The following GPM6A variants were observed in gnomAD, a reference collection of about 807,000 sequenced individuals.
GPM6A encodes neuronal membrane glycoprotein M6-a.
Under a neutral mutation model 32.1 loss-of-function variants are expected in GPM6A, and 7 were observed. That is an observed-to-expected ratio of 0.22 (90% CI 0.12 to 0.41). GPM6A has a LOEUF of 0.41. GPM6A is among the 10% of genes least tolerant of loss of function. The pLI, the probability that GPM6A is intolerant of heterozygous loss-of-function variation, is 1.00. For missense variants in GPM6A, 235 were observed against 347.2 expected, an observed-to-expected ratio of 0.68 and a Z score of 2.57; for synonymous variants, 130 against 123.4, an observed-to-expected ratio of 1.05 and a Z score of -0.35.
At chr4:175,703,862 A>T (rs1475624808) in intron 1 of GPM6A, among the ~76,000 whole-genome samples, 2 of 152,130 alleles carry the variant, frequency 1.3e-5, no homozygotes, top group African/African-American at 4.8e-5. Flanking sequence ...CACCCCTCAG[A>T]TACACACACA....
intron 6 of GPM6A, 56 bp from the exon 7 acceptor site, chr4:175,635,113 C>A: frequency 7.5e-7 from 1 of 1,324,798 alleles, no homozygotes; most frequent in Non-Finnish European, 1.1e-6. Context: ...CTTCATTACA[C>A]CTTGCTATCT....
chr4:175,976,483 AC>A (rs1740667391), intron 1 of GPM6A, among the ~76,000 whole-genome samples: 1 of 151,892 alleles, frequency 6.6e-6, no homozygotes, highest in Non-Finnish European at 1.5e-5. Context: ...TGTCTTTCAA[AC>A]CCCTTTTTTA....
At chr4:175,872,830 A>G (rs1351031556) in intron 1 of GPM6A, 1 of 152,200 alleles carries the variant, frequency 6.6e-6, no homozygotes, top group Admixed American at 6.5e-5. Flanking sequence ...TCTAAAATTT[A>G]CACTTCTGTG....
At chr4:175,739,635 C>A (rs1297354374) in intron 1 of GPM6A, among the ~76,000 whole-genome samples, 1 of 152,096 alleles carries the variant, frequency 6.6e-6, no homozygotes, top group Admixed American at 6.6e-5. Context: ...TAATTCCATT[C>A]ATGAGTCACA....
At chr4:175,889,158 C>A (rs1214139321) in intron 1 of GPM6A, among the ~76,000 whole-genome samples, 3 of 152,024 alleles carry the variant, frequency 2.0e-5, no homozygotes, top group African/African-American at 7.2e-5. Flanking sequence ...AACTAAAGAT[C>A]TGATGTGAAA....
At chr4:175,815,041 C>T (rs1335988588), upstream of GPM6A, among the ~76,000 whole-genome samples, 3 of 151,758 alleles carry the variant, frequency 2.0e-5, no homozygotes, top group Admixed American at 6.6e-5. Flanking sequence ...GATGGAGTCT[C>T]GTTCTTTTGC....
At chr4:175,846,754 A>G (rs1277429937) in intron 1 of GPM6A, among the ~76,000 whole-genome samples, 1 of 152,148 alleles carries the variant, frequency 6.6e-6, no homozygotes, top group Non-Finnish European at 1.5e-5. Flanking sequence ...TTTACTCAAA[A>G]TATCAAGAAA....
At chr4:175,728,939 C>A (rs182183362) in intron 1 of GPM6A, among the ~76,000 whole-genome samples, 2 of 152,142 alleles carry the variant, frequency 1.3e-5, no homozygotes, top group Non-Finnish European at 2.9e-5. Flanking sequence ...GAGCTTCTCT[C>A]TTGGGGTGAC....
chr4:175,725,224 A>G (rs182381245), intron 1 of GPM6A, among the ~76,000 whole-genome samples: 38 of 152,192 alleles, frequency 2.5e-4, no homozygotes, highest in African/African-American at 9.2e-4. Flanking sequence ...CTAAACAAAT[A>G]TAAGCTCTTA....
At chr4:175,816,467 T>C (rs1320506558), upstream of GPM6A, among the ~76,000 whole-genome samples, 1 of 152,246 alleles carries the variant, frequency 6.6e-6, no homozygotes, top group Admixed American at 6.5e-5. Context: ...CTCTATTATG[T>C]AATGCAGTCA....
At chr4:175,898,156 C>G (rs1737851643) in intron 1 of GPM6A, among the ~76,000 whole-genome samples, 1 of 152,158 alleles carries the variant, frequency 6.6e-6, no homozygotes, top group South Asian at 2.1e-4. Context: ...CTGATTTCTC[C>G]ATACCAATCC....
In GPM6A at chr4:175,752,081, C is replaced by A. The variant is rs577564966; in HGVS notation, c.38-50314G>T. Among the ~76,000 whole-genome samples, 10 of 152,144 alleles carry A rather than the reference C, an allele frequency of 6.6e-5. No homozygotes were observed. The South Asian group carries it at 2.1e-3, about 32-fold the overall frequency. On this transcript the variant is annotated intron_variant, in intron 1 of 6. Coordinates refer to ENST00000393658, the MANE Select transcript of GPM6A (RefSeq NM_201591.3). ...ACCTAATTGCTGAAAACTATGGAAC[C>A]TTCCTGTTTTTCTCTTTTTTCAACA...
At chr4:175,673,929 A>C (rs1743222698) in intron 2 of GPM6A, 93 bp from the exon 3 acceptor site, 8 of 757,220 alleles carry the variant, frequency 1.1e-5, no homozygotes, top group Non-Finnish European at 1.7e-5. Flanking sequence ...TTTTGGAATG[A>C]AAGTTATAGA....
intron 1 of GPM6A, among the ~76,000 whole-genome samples, chr4:175,747,413 T>C (rs1292356458): frequency 6.6e-6 from 1 of 152,146 alleles, no homozygotes. Flanking sequence ...GTATGCACTA[T>C]GCTTTAAATA....
At chr4:175,757,991 C>T (rs1278705761) in intron 1 of GPM6A, among the ~76,000 whole-genome samples, 1 of 152,120 alleles carries the variant, frequency 6.6e-6, no homozygotes, top group Non-Finnish European at 1.5e-5. Flanking sequence ...TGTAACCTAA[C>T]ATTTACAACC....
chr4:175,843,530 G>C (rs994292753), intron 1 of GPM6A, among the ~76,000 whole-genome samples: 1 of 152,102 alleles, frequency 6.6e-6, no homozygotes, highest in African/African-American at 2.4e-5. Flanking sequence ...ATTTATTCAG[G>C]TCTTTGGCAG....
At chr4:175,964,625 C>G (rs868449393) in intron 1 of GPM6A, among the ~76,000 whole-genome samples, 1 of 152,134 alleles carries the variant, frequency 6.6e-6, no homozygotes, top group African/African-American at 2.4e-5. Flanking sequence ...ATAAAGACAA[C>G]AGTCATATTG....
intron 1 of GPM6A, among the ~76,000 whole-genome samples, chr4:175,867,399 G>A (rs1395945262): frequency 1.3e-5 from 2 of 151,770 alleles, no homozygotes; most frequent in South Asian, 4.2e-4. Flanking sequence ...TTAACATTTA[G>A]GTCTGTGATC....
At chr4:175,790,786 T>A (rs1436265199) in intron 1 of GPM6A, among the ~76,000 whole-genome samples, 1 of 152,216 alleles carries the variant, frequency 6.6e-6, no homozygotes, top group African/African-American at 2.4e-5. Context: ...CTTTGCAACA[T>A]GATGAAATTA....
Sources: gnomAD v4.1 joint callset for allele counts (sites outside exome capture counted in the v4.1 genomes callset) on GRCh38, gnomAD v4.1.1 for gene constraint, MANE v1.5 for transcripts, NCBI Gene and HGNC (gene_info 2026-07-23, HGNC 2026-07-21) for gene names.